The following TMX3 variants were observed in gnomAD, a reference collection of about 807,000 sequenced individuals.
TMX3 encodes thioredoxin related transmembrane protein 3.
Under a neutral mutation model 64.4 loss-of-function variants are expected in TMX3, and 40 were observed. That is an observed-to-expected ratio of 0.62 (90% CI 0.48 to 0.81). TMX3 has a LOEUF of 0.81. Ranked by LOEUF, TMX3 falls within the 30% of genes least tolerant of loss-of-function variation. The probability of loss-of-function intolerance (pLI) is 0.00; values close to 1 mark genes in which losing one functional copy is unlikely to be tolerated. For missense variants in TMX3, 497 were observed against 534.5 expected (o/e 0.93, Z 0.69); for synonymous variants, 189 against 175.7 (o/e 1.08, Z -0.60).
rs138737549 is a variant in TMX3 at position 68,714,182 on chromosome 18, G to T, written c.47-282C>A. The T allele has an allele frequency of 1.1e-3, 234 of 210,790 alleles. 1 individual carries two copies. In the East Asian group the frequency reaches 0.018, roughly 16 times the overall value. The allele number at this position is 210,790 out of a possible 1,614,324, so 13.1% of individuals were successfully genotyped here. The stretch of plus-strand genomic sequence containing the variant: ...CTCCATATTTTCACTCTCATCTTAC[G>T]TCTCTTTTTAACCATCCTATCTTTT... On this transcript the variant is annotated intron_variant, in intron 1 of 15. Coordinates refer to ENST00000299608, the MANE Select transcript of TMX3 (RefSeq NM_019022.5).
rs1913376467 is a variant in TMX3, at chr18:68,681,077, AT to A, written c.938del (p.Asn313IlefsTer10). The A allele has an allele frequency of 6.3e-7, 1 of 1,598,286 alleles. No homozygotes were observed. The highest frequency in any genetic ancestry group is 1.3e-5 in the African/African-American group (1 of 74,382). On this transcript the variant is annotated frameshift_variant, in exon 14 of 16. Coordinates refer to ENST00000299608, the MANE Select transcript of TMX3 (RefSeq NM_019022.5). LOFTEE classifies it high-confidence loss of function. ...GCAAGAAATATTGCTGGTTTGAAGT[AT>A]TCAGTACAACTACAGTTGGGACTGT... ...ELTVPTVVVL[N>X]TSNQQYFLLD... is the part of the protein sequence containing the mutation.
In TMX3 at chr18:68,674,485, C is replaced by T. The variant is rs1912770161; in HGVS notation, c.*2448G>A. 1 of 152,006 alleles carries T rather than the reference C, an allele frequency of 6.6e-6. No individual in the cohort carries two copies. The highest frequency in any genetic ancestry group is 6.6e-5 in the Admixed American group (1 of 15,238). 9.4% of individuals were successfully genotyped at this position (152,006 alleles called of 1,614,324 possible). A position where few individuals can be genotyped will look rare whatever the true frequency, so the allele number is the denominator to read the frequency against. ...AAGAGAAGGCAAAAATTCCAACTTC[C>T]TGAAGGACCCCATTATTCATATAGA... On this transcript the variant is annotated 3_prime_UTR_variant, in exon 16 of 16. Transcript: ENST00000299608.
At chr18:68,708,522 T>C (rs2030948997) in intron 4 of TMX3, among the ~76,000 whole-genome samples, 1 of 150,896 alleles carries the variant, frequency 6.6e-6, no homozygotes, top group Non-Finnish European at 1.5e-5. Flanking sequence ...GGGACATGTC[T>C]ATGAAAATTA....
intron 8 of TMX3, among the ~76,000 whole-genome samples, chr18:68,696,696 C>T (rs1270598980): frequency 6.6e-6 from 1 of 151,882 alleles, no homozygotes; most frequent in Non-Finnish European, 1.5e-5. Context: ...AAGCTGGTCT[C>T]GAATTCCTGA....
In TMX3 at chr18:68,676,830, T is replaced by C; in HGVS notation, c.*103A>G. On this transcript the variant is annotated 3_prime_UTR_variant, in exon 16 of 16. Coordinates refer to ENST00000299608, the MANE Select transcript of TMX3 (RefSeq NM_019022.5). ...GCAGTTGATATTAGCAAAATACGAA[T>C]AACATGTTCTTTTCTGTAAAGATCA... 2 of 1,410,776 alleles carry C rather than the reference T, an allele frequency of 1.4e-6. No homozygotes were observed. Among genetic ancestry groups the C allele is most frequent in the Non-Finnish European group, 1.9e-6 (2 of 1,054,160 alleles). 87.4% of individuals were successfully genotyped at this position (1,410,776 alleles called of 1,614,324 possible).
intron 2 of TMX3, among the ~76,000 whole-genome samples, chr18:68,713,122 C>T (rs1447684367): frequency 1.3e-5 from 2 of 151,952 alleles, no homozygotes; most frequent in Non-Finnish European, 2.9e-5. Context: ...TCATTTCCTA[C>T]AGCACTGAAC....
At chr18:68,714,875 C>G in intron 1 of TMX3, 61 bp downstream of exon 1, 1 of 1,545,760 alleles carries the variant, frequency 6.5e-7, no homozygotes, top group African/African-American at 1.4e-5. Flanking sequence ...CCAATCCCGG[C>G]CCCACGGCGG....
rs571644068 is a variant in TMX3, at chr18:68,703,675, T to TA, written c.266-1886dup. Among the ~76,000 whole-genome samples, 71 of 152,186 alleles carry TA rather than the reference T, an allele frequency of 4.7e-4. No individual in the cohort carries two copies. In the East Asian group the frequency reaches 0.011, roughly 24 times the overall value. ...TAAAAGGGAATGACAGTATAACATT[T>TA]AAAAAAAGCCTTTGGGAGGCTGAGG... is the stretch of plus-strand genomic sequence containing the variant. On this transcript the variant is annotated intron_variant, in intron 4 of 15. Coordinates refer to ENST00000299608, the MANE Select transcript of TMX3 (RefSeq NM_019022.5).
rs1246719149 is a variant in TMX3, at chr18:68,674,937, T to C, written c.*1996A>G. 6.6e-6 allele frequency: 1 copy of C among 152,160 alleles called. No individual in the cohort carries two copies. Among genetic ancestry groups the C allele is most frequent in the East Asian group, 1.9e-4 (1 of 5,198 alleles). 9.4% of individuals were successfully genotyped at this position (152,160 alleles called of 1,614,324 possible). A position where few individuals can be genotyped will look rare whatever the true frequency, so the allele number is the denominator to read the frequency against. On this transcript the variant is annotated 3_prime_UTR_variant, in exon 16 of 16. Coordinates refer to ENST00000299608, the MANE Select transcript of TMX3 (RefSeq NM_019022.5). The stretch of plus-strand genomic sequence containing the variant: ...CAGAATATAAACGAAGATCATATTT[T>C]GTGGATGTTTGCATTCACACTGAGC...
chr18:68,708,784 T>C (rs1334390310), intron 4 of TMX3, among the ~76,000 whole-genome samples: 1 of 152,152 alleles, frequency 6.6e-6, no homozygotes, highest in Non-Finnish European at 1.5e-5. Flanking sequence ...AATGTGGCAT[T>C]ATCCTTTAGT....
At chr18:68,712,502 C>A (rs529157831) in intron 2 of TMX3, among the ~76,000 whole-genome samples, 1 of 152,234 alleles carries the variant, frequency 6.6e-6, no homozygotes. Context: ...TGCTCTGGAG[C>A]AAGGAACAAT....
intron 4 of TMX3, among the ~76,000 whole-genome samples, chr18:68,703,490 C>G (rs1180608192): frequency 6.6e-6 from 1 of 152,166 alleles, no homozygotes; most frequent in Non-Finnish European, 1.5e-5. Flanking sequence ...ACACTTAACC[C>G]TATTACATCA....
At chr18:68,713,261 T>C (rs377529940) in intron 2 of TMX3, among the ~76,000 whole-genome samples, 2 of 152,128 alleles carry the variant, frequency 1.3e-5, no homozygotes, top group Non-Finnish European at 2.9e-5. Flanking sequence ...GAGGTCCCAA[T>C]AAGGAGGCTG....
At chr18:68,700,370 A>T in intron 6 of TMX3, 35 bp downstream of exon 6, 1 of 1,337,060 alleles carries the variant, frequency 7.5e-7, no homozygotes, top group Non-Finnish European at 1.0e-6. Context: ...TCAAATATTA[A>T]TAACATACAG....
intron 8 of TMX3, among the ~76,000 whole-genome samples, chr18:68,692,082 A>C (rs1914577731): frequency 1.3e-5 from 2 of 152,172 alleles, no homozygotes; most frequent in Non-Finnish European, 2.9e-5. Flanking sequence ...GGCACATCTC[A>C]GGGGAGAGAA....
chr18:68,686,814 A>C (rs143728902), intron 10 of TMX3: 1 of 985,302 alleles, frequency 1.0e-6, no homozygotes, highest in African/African-American at 1.7e-5. Flanking sequence ...CAAAGGCAGA[A>C]ATATCACTAG....
chr18:68,713,293 G>A (rs1217111493), intron 2 of TMX3, among the ~76,000 whole-genome samples: 2 of 152,198 alleles, frequency 1.3e-5, no homozygotes, highest in African/African-American at 2.4e-5. Flanking sequence ...CCACTGGGTT[G>A]GGAGTGTAGA....
At chr18:68,698,984 T>C (rs1420178404) in intron 6 of TMX3, among the ~76,000 whole-genome samples, 1 of 149,766 alleles carries the variant, frequency 6.7e-6, no homozygotes, top group Non-Finnish European at 1.5e-5. Context: ...ACAGCGCCAC[T>C]GCAGTCCAGC....
intron 8 of TMX3, among the ~76,000 whole-genome samples, chr18:68,695,675 C>T (rs148905872): frequency 8.2e-4 from 125 of 152,310 alleles, no homozygotes; most frequent in Non-Finnish European, 1.2e-3. Flanking sequence ...CTAAACACAA[C>T]AATCCTTTCA....
Sources: gnomAD v4.1 joint callset for allele counts (sites outside exome capture counted in the v4.1 genomes callset) on GRCh38, gnomAD v4.1.1 for gene constraint, MANE v1.5 for transcripts, NCBI Gene and HGNC (gene_info 2026-07-23, HGNC 2026-07-21) for gene names.